Variants in CTNNA3 observed in about 807,000 individuals in gnomAD.
The protein encoded by CTNNA3 is catenin alpha-3.
In CTNNA3, 76 loss-of-function variants were observed where a neutral mutation model predicts 95.7. The ratio of observed to expected loss-of-function variants is 0.79; its 90% CI spans 0.66 to 0.96. The LOEUF is 0.96. CTNNA3 is among the 40% of genes least tolerant of loss of function. The pLI is 0.00. For synonymous variants in CTNNA3, 431 were observed against 374.4 expected (o/e 1.15, Z -1.74); for missense variants, 1,191 against 1,089.8 (o/e 1.09, Z -1.31).
In CTNNA3 at chr10:67,244,131, A is replaced by T. The variant is rs557754067; in HGVS notation, c.580-24261T>A. On this transcript the variant is annotated intron_variant, in intron 5 of 17. Coordinates refer to ENST00000433211, the MANE Select transcript of CTNNA3 (RefSeq NM_013266.4). ...AAAAGCTCAGATATGCTCAGTCTAGAATGGAAATGTTTTTTAATCTTCCCT... is the reference window on the plus strand; with the variant it reads ...AAAAGCTCAGATATGCTCAGTCTAGTATGGAAATGTTTTTTAATCTTCCCT... Among the ~76,000 whole-genome samples the T allele has an allele frequency of 4.6e-5, 7 of 152,354 alleles. No homozygotes were observed. The South Asian group carries it at 1.4e-3, about 32-fold the overall frequency.
chr10:66,764,907 T>C (rs1350429239), intron 9 of CTNNA3, among the ~76,000 whole-genome samples: 2 of 152,226 alleles, frequency 1.3e-5, no homozygotes, highest in Non-Finnish European at 2.9e-5. Flanking sequence ...CCAAAGGTTT[T>C]TGAGTCAACC....
intron 5 of CTNNA3, among the ~76,000 whole-genome samples, chr10:67,471,309 G>C (rs1432913779): frequency 6.6e-6 from 1 of 152,146 alleles, no homozygotes; most frequent in East Asian, 1.9e-4. Context: ...GGGTAAAACT[G>C]CCCCTAGTTG....
intron 1 of CTNNA3, among the ~76,000 whole-genome samples, chr10:67,747,957 G>A (rs977627104): frequency 1.3e-5 from 2 of 152,064 alleles, no homozygotes; most frequent in Non-Finnish European, 2.9e-5. Flanking sequence ...AGAACTTTGT[G>A]ATACAAGTAT....
At chr10:67,660,066 CTG>C (rs1459026328) in intron 1 of CTNNA3, among the ~76,000 whole-genome samples, 7 of 152,172 alleles carry the variant, frequency 4.6e-5, no homozygotes, top group Non-Finnish European at 8.8e-5. Flanking sequence ...TAGTATGTAA[CTG>C]GGGAATTTCA....
intron 10 of CTNNA3, among the ~76,000 whole-genome samples, chr10:66,569,946 G>A (rs1230278986): frequency 6.6e-6 from 1 of 152,076 alleles, no homozygotes; most frequent in Admixed American, 6.5e-5. Flanking sequence ...CTTTTGAAGG[G>A]CAATACTATG....
intron 7 of CTNNA3, among the ~76,000 whole-genome samples, chr10:67,134,938 C>T (rs1369673483): frequency 6.6e-6 from 1 of 151,962 alleles, no homozygotes; most frequent in East Asian, 1.9e-4. Flanking sequence ...CCGCTGAGAC[C>T]CATGATTCCT....
chr10:66,412,353 A>C (rs184863755), intron 11 of CTNNA3, among the ~76,000 whole-genome samples: 18 of 152,280 alleles, frequency 1.2e-4, no homozygotes, highest in Middle Eastern at 3.4e-3. Context: ...AGAGGCCACA[A>C]GGTTGAGAGG....
intron 5 of CTNNA3, among the ~76,000 whole-genome samples, chr10:67,263,821 C>T (rs1866711223): frequency 6.6e-6 from 1 of 152,096 alleles, no homozygotes; most frequent in African/African-American, 2.4e-5. Context: ...TAGCAAATCA[C>T]AGCCAAAAAG....
chr10:67,641,499 A>T (rs1839532013), intron 2 of CTNNA3, among the ~76,000 whole-genome samples: 1 of 152,192 alleles, frequency 6.6e-6, no homozygotes, highest in African/African-American at 2.4e-5. Flanking sequence ...CAGCCATCCC[A>T]TTACTGGGTA....
intron 15 of CTNNA3, among the ~76,000 whole-genome samples, chr10:66,063,320 A>AT (rs1237354695): frequency 7.4e-4 from 96 of 130,386 alleles, no homozygotes; most frequent in Non-Finnish European, 1.1e-3. Context: ...ATATATATAT[A>AT]ATATATATAT....
intron 7 of CTNNA3, among the ~76,000 whole-genome samples, chr10:66,856,806 C>T (rs1843701099): frequency 6.6e-6 from 1 of 152,050 alleles, no homozygotes; most frequent in South Asian, 2.1e-4. Flanking sequence ...GAATATTAGA[C>T]TTTTGTCAGA....
intron 7 of CTNNA3, among the ~76,000 whole-genome samples, chr10:66,962,780 C>T (rs774310594): frequency 6.6e-6 from 1 of 152,108 alleles, no homozygotes; most frequent in South Asian, 2.1e-4. Context: ...CTTAAAATGG[C>T]TTTTAGAATT....
chr10:66,637,074 T>G (rs546953373), intron 9 of CTNNA3, among the ~76,000 whole-genome samples: 2 of 152,148 alleles, frequency 1.3e-5, no homozygotes, highest in Non-Finnish European at 2.9e-5. Flanking sequence ...GACTGTCATA[T>G]AAAAATGTGT....
intron 13 of CTNNA3, among the ~76,000 whole-genome samples, chr10:66,104,704 A>AGAAAACAACC (rs1488493972): frequency 3.3e-5 from 5 of 152,354 alleles, no homozygotes; most frequent in Admixed American, 6.5e-5. Context: ...TAGGTTTCAT[A>AGAAAACAACC]GAAAACAACC....
At chr10:66,087,835 C>T (rs1230735074) in intron 14 of CTNNA3, among the ~76,000 whole-genome samples, 1 of 152,026 alleles carries the variant, frequency 6.6e-6, no homozygotes, top group Non-Finnish European at 1.5e-5. Context: ...TAGACTTAGT[C>T]TAGAGGTAGT....
intron 8 of CTNNA3, among the ~76,000 whole-genome samples, chr10:66,769,296 C>T (rs1324193223): frequency 6.6e-6 from 1 of 152,184 alleles, no homozygotes; most frequent in Non-Finnish European, 1.5e-5. Context: ...GTGAATGAAA[C>T]CTTTAGGAGC....
chr10:66,553,629 A>C (rs1263848538), intron 10 of CTNNA3, among the ~76,000 whole-genome samples: 1 of 136,316 alleles, frequency 7.3e-6, no homozygotes, highest in Non-Finnish European at 1.5e-5. Flanking sequence ...CTGGGTTCAC[A>C]CCATTCTCCT....
intron 12 of CTNNA3, among the ~76,000 whole-genome samples, chr10:66,311,073 G>T (rs1425635838): frequency 1.3e-5 from 2 of 152,152 alleles, no homozygotes; most frequent in African/African-American, 2.4e-5. Context: ...TGTAGGTACA[G>T]TGTATCCCAG....
chr10:67,050,873 T>G (rs531769468), intron 7 of CTNNA3, among the ~76,000 whole-genome samples: 10 of 152,352 alleles, frequency 6.6e-5, no homozygotes, highest in African/African-American at 2.4e-4. Flanking sequence ...TTGTTTGGAT[T>G]ACTTACATAC....
Sources: allele counts gnomAD v4.1 joint callset (sites outside exome capture counted in the v4.1 genomes callset), GRCh38; gene constraint gnomAD v4.1.1; transcripts MANE v1.5; gene names NCBI Gene and HGNC (gene_info 2026-07-23, HGNC 2026-07-21).